EHD3: variants seen among roughly 807,000 people sequenced by gnomAD.
EHD3 encodes the protein EH domain-containing protein 3.
A neutral mutation model predicts 43.0 loss-of-function variants in EHD3; 17 were observed. The ratio of observed to expected loss-of-function variants is 0.40; its 90% CI spans 0.27 to 0.59. The LOEUF (loss-of-function observed/expected upper bound fraction) is 0.59. Ranked by LOEUF, EHD3 falls within the 20% of genes least tolerant of loss-of-function variation. EHD3 has a pLI of 0.49. For synonymous variants in EHD3, 313 were observed against 289.5 expected (o/e 1.08, Z -0.82); for missense variants, 594 against 705.6 (o/e 0.84, Z 1.79).
Position 31,266,726 on chromosome 2 carries a change from C to A in EHD3, c.*22C>A, listed in dbSNP as rs779821173. On this transcript the variant is annotated 3_prime_UTR_variant, in exon 6 of 6. Coordinates refer to ENST00000322054, the MANE Select transcript of EHD3 (RefSeq NM_014600.3). The surrounding 1 kb of genome is among the most constrained non-coding windows in gnomAD (Gnocchi z 5.1). ...GTGATGGGGTGGGGGGACATTCAGA[C>A]GGGCAGTGTTAGAGGAGGAGATGGG... The A allele has an allele frequency of 1.3e-5, 20 of 1,572,668 alleles. No individual in the cohort carries two copies. The highest frequency in any genetic ancestry group is 1.6e-5 in the Non-Finnish European group (19 of 1,160,804).
chr2:31,248,110 T>C (rs1683560909), intron 2 of EHD3, among the ~76,000 whole-genome samples: 1 of 152,192 alleles, frequency 6.6e-6, no homozygotes, highest in African/African-American at 2.4e-5. Flanking sequence ...CACAAGGTGC[T>C]GCACCTTAGA....
intron 1 of EHD3, among the ~76,000 whole-genome samples, chr2:31,241,613 A>G (rs1324205521): frequency 6.6e-6 from 1 of 152,198 alleles, no homozygotes; most frequent in Non-Finnish European, 1.5e-5. Context: ...GAGATAATCC[A>G]TGGAAAATTT....
chr2:31,254,315 A>G (rs966747186), intron 3 of EHD3, among the ~76,000 whole-genome samples: 1 of 152,142 alleles, frequency 6.6e-6, no homozygotes, highest in Admixed American at 6.5e-5. Flanking sequence ...TTGCAGCCTC[A>G]CATTCCTAGC....
At position 31,262,097 on chromosome 2, in the gene EHD3, T is replaced by C. The variant is rs377548925; in HGVS notation, c.1080+384T>C. Among the ~76,000 whole-genome samples the C allele has an allele frequency of 1.0e-3, 158 of 152,330 alleles. 1 individual carries two copies. In the South Asian group the frequency reaches 0.029, roughly 28 times the overall value. On this transcript the variant is annotated intron_variant, in intron 5 of 5. Coordinates refer to ENST00000322054, the MANE Select transcript of EHD3 (RefSeq NM_014600.3). ...CTCTTAAAGTGCTCGAGTTTACATC[T>C]GAGGTCCCCCTTGTGAGCAATCTGG... is the stretch of plus-strand genomic sequence containing the variant.
At chr2:31,253,541 G>A (rs1450978405) in intron 3 of EHD3, among the ~76,000 whole-genome samples, 1 of 152,184 alleles carries the variant, frequency 6.6e-6, no homozygotes, top group African/African-American at 2.4e-5. Flanking sequence ...ATAAAAAGGG[G>A]CATGGTTATC....
chr2:31,234,472 CCG>C lies in EHD3; in HGVS notation c.-147_-146del. 1 of 833,902 alleles carries C rather than the reference CCG, an allele frequency of 1.2e-6. No individual in the cohort carries two copies. The highest frequency in any genetic ancestry group is 1.8e-6 in the Non-Finnish European group (1 of 544,746). The allele number at this position is 833,902 out of a possible 1,614,324, so 51.7% of individuals were successfully genotyped here. A position where few individuals can be genotyped will look rare whatever the true frequency, so the allele number is the denominator to read the frequency against. On this transcript the variant is annotated 5_prime_UTR_variant, in exon 1 of 6. Transcript: ENST00000322054. The stretch of plus-strand genomic sequence containing the variant: ...GAGAGTGCGCTCCCGGCCCTCCTAG[CCG>C]CGTGCCCGGGCCATGGTGCGGCTGA...
chr2:31,245,499 C>G (rs1683498134), intron 2 of EHD3, among the ~76,000 whole-genome samples: 1 of 146,416 alleles, frequency 6.8e-6, no homozygotes, highest in East Asian at 2.0e-4. Context: ...GGCTCATTGC[C>G]CAAAGGATTC....
Position 31,266,214 on chromosome 2 carries a change from C to T in EHD3, c.1118C>T (p.Pro373Leu), listed in dbSNP as rs200750745. The T allele has an allele frequency of 8.1e-6, 13 of 1,613,334 alleles. No homozygotes were observed. Among genetic ancestry groups the T allele is most frequent in the East Asian group, 2.2e-5 (1 of 44,852 alleles). Reference sequence around the variant, plus strand: ...GCCCAGGACTTTAGCAAGTTCCAGCCGCTGAAGAGCAAGCTGCTGGAGGTA... The same window carrying T: ...GCCCAGGACTTTAGCAAGTTCCAGCTGCTGAAGAGCAAGCTGCTGGAGGTA... ...LQAQDFSKFQ[P>L]LKSKLLEVVD... Residue 373 changes from proline (P) to leucine (L), a missense_variant, in exon 6 of 6, where the codon CCG (proline) becomes CTG (leucine). Pro to Leu is a moderately conservative substitution (Grantham distance 98, BLOSUM62 -3). Around this residue, in one of 3 missense-constraint regions of EHD3, gnomAD observed 322 missense variants for 348.0 expected, o/e 0.93. Coordinates refer to ENST00000322054, the MANE Select transcript of EHD3 (RefSeq NM_014600.3). This position sits in a 1 kb window ranked among gnomAD's most constrained non-coding sequence, Gnocchi z 5.1.
intron 1 of EHD3, among the ~76,000 whole-genome samples, chr2:31,236,835 A>G (rs1279977652): frequency 6.6e-6 from 1 of 152,152 alleles, no homozygotes. Flanking sequence ...AGGATCCCCA[A>G]GCAGCAGACA....
chr2:31,268,289 A>G lies in EHD3; in HGVS notation c.*1585A>G, dbSNP rs1415772057. ...AATGAGTATAACTTATTTTATATCC[A>G]TATTCAGACTATATAGAGAATATTC... On this transcript the variant is annotated 3_prime_UTR_variant, in exon 6 of 6. Transcript: ENST00000322054. The G allele has an allele frequency of 6.5e-6, 1 of 152,686 alleles. No individual in the cohort carries two copies. The highest frequency in any genetic ancestry group is 1.5e-5 in the Non-Finnish European group (1 of 68,052). The allele number at this position is 152,686 out of a possible 1,614,324, so 9.5% of individuals were successfully genotyped here.
chr2:31,253,153 C>T (rs900735819), intron 3 of EHD3, among the ~76,000 whole-genome samples: 1 of 144,220 alleles, frequency 6.9e-6, no homozygotes, highest in African/African-American at 2.6e-5. Flanking sequence ...TCCTTTTACG[C>T]ACACACCCAC....
In EHD3 at chr2:31,234,350, A is replaced by C. The variant is rs371406702; in HGVS notation, c.-272A>C. ...CCTTGCAGGTTCAACTTTAATTGCC[A>C]AGATTTCACCCCTCCTCCTCAAGCC... is the stretch of plus-strand genomic sequence containing the variant. On this transcript the variant is annotated 5_prime_UTR_variant, in exon 1 of 6. Transcript: ENST00000322054. 1.7e-4 allele frequency: 78 copies of C among 467,522 alleles called. No individual in the cohort carries two copies. The highest frequency in any genetic ancestry group is 1.6e-3 in the South Asian group (73 of 45,358). The allele number at this position is 467,522 out of a possible 1,614,324, so 29.0% of individuals were successfully genotyped here. A position where few individuals can be genotyped will look rare whatever the true frequency, so the allele number is the denominator to read the frequency against.
intron 2 of EHD3, among the ~76,000 whole-genome samples, chr2:31,248,195 C>T (rs1313055177): frequency 6.6e-6 from 1 of 152,184 alleles, no homozygotes; most frequent in Non-Finnish European, 1.5e-5. Flanking sequence ...CTATTTCACA[C>T]CCCTTGTCTG....
chr2:31,266,118 A>G lies in EHD3; in HGVS notation c.1081-59A>G. The stretch of plus-strand genomic sequence containing the variant: ...CTGGTGCTCATAGGAGGCACGTGAT[A>G]AATGGAGGGCTCTCCTTTCATCGTA... On this transcript the variant is annotated intron_variant, in intron 5 of 5. Coordinates refer to ENST00000322054, the MANE Select transcript of EHD3 (RefSeq NM_014600.3). The surrounding 1 kb of genome is among the most constrained non-coding windows in gnomAD (Gnocchi z 5.1). 1 of 1,538,218 alleles carries G rather than the reference A, an allele frequency of 6.5e-7. No individual in the cohort carries two copies.
chr2:31,251,954 G>A (rs1159580279), intron 3 of EHD3, among the ~76,000 whole-genome samples: 2 of 152,128 alleles, frequency 1.3e-5, no homozygotes, highest in Non-Finnish European at 2.9e-5. Flanking sequence ...GGCAGCTCAG[G>A]ACTCCTCCAG....
chr2:31,251,260 C>T (rs556168652), intron 3 of EHD3, among the ~76,000 whole-genome samples: 58 of 152,268 alleles, frequency 3.8e-4, no homozygotes, highest in African/African-American at 1.3e-3. Context: ...GGGCCAGGCT[C>T]GGCTCTTTGA....
rs1462057572 is a variant in EHD3 at position 31,266,781 on chromosome 2, C to T, written c.*77C>T. 5 of 1,389,810 alleles carry T rather than the reference C, an allele frequency of 3.6e-6. No individual in the cohort carries two copies. Among genetic ancestry groups the T allele is most frequent in the East Asian group, 2.3e-5 (1 of 42,724 alleles). 86.1% of individuals were successfully genotyped at this position (1,389,810 alleles called of 1,614,324 possible). Reference sequence around the variant, plus strand: ...GTGACTACACACACACACACACACACACACACACACACAAACATGCACACA... The same window carrying T: ...GTGACTACACACACACACACACACATACACACACACACAAACATGCACACA... On this transcript the variant is annotated 3_prime_UTR_variant, in exon 6 of 6. Coordinates refer to ENST00000322054, the MANE Select transcript of EHD3 (RefSeq NM_014600.3). This position sits in a 1 kb window ranked among gnomAD's most constrained non-coding sequence, Gnocchi z 5.1.
chr2:31,247,641 G>T (rs548572995), intron 2 of EHD3, among the ~76,000 whole-genome samples: 1 of 152,256 alleles, frequency 6.6e-6, no homozygotes, highest in South Asian at 2.1e-4. Context: ...TATTTCAACA[G>T]ACACCAGGCC....
At chr2:31,244,507 G>A in intron 2 of EHD3, 57 bp downstream of exon 2, 2 of 1,569,152 alleles carry the variant, frequency 1.3e-6, no homozygotes, top group South Asian at 1.2e-5. Context: ...TTGGGGTATG[G>A]GGAGTGAAAG....
Sources: gnomAD v4.1 joint callset for allele counts (sites outside exome capture counted in the v4.1 genomes callset) on GRCh38, gnomAD v4.1.1 for gene constraint, gnomAD v4.1.1 regional missense constraint, Gnocchi (gnomAD v3.1) non-coding constraint, MANE v1.5 for transcripts, NCBI Gene and HGNC (gene_info 2026-07-23, HGNC 2026-07-21) for gene names.